The following PTPRT variants were observed in gnomAD, a reference collection of about 807,000 sequenced individuals.
The protein encoded by PTPRT is receptor-type tyrosine-protein phosphatase T.
In PTPRT, 56 loss-of-function variants were observed where a neutral mutation model predicts 176.8. That is an observed-to-expected ratio of 0.32 (90% CI 0.26 to 0.40). The LOEUF is 0.40. Ranked by LOEUF, PTPRT falls within the 10% of genes least tolerant of loss-of-function variation. The pLI is 1.00. For missense variants in PTPRT, 1,540 were observed against 1,908.2 expected (o/e 0.81, Z 3.60); for synonymous variants, 783 against 739.0 (o/e 1.06, Z -0.96).
rs563173989 is a variant in PTPRT at position 43,086,795 on chromosome 20, G to A, written c.88+102851C>T. ...GCTTACTAATCCTACTGTTATAACC[G>A]GGGGCTGGGAGGGAAGAATTGCTCT... On this transcript the variant is annotated intron_variant, in intron 1 of 30. Coordinates refer to ENST00000373187, the MANE Select transcript of PTPRT (RefSeq NM_007050.6). Among the ~76,000 whole-genome samples the A allele has an allele frequency of 3.9e-5, 6 of 152,288 alleles. No individual in the cohort carries two copies. The South Asian group carries it at 6.2e-4, about 16-fold the overall frequency.
At chr20:42,761,787 T>C (rs1209090578) in intron 5 of PTPRT, among the ~76,000 whole-genome samples, 1 of 152,202 alleles carries the variant, frequency 6.6e-6, no homozygotes, top group African/African-American at 2.4e-5. Flanking sequence ...TGCTGGTCCA[T>C]GAACCTTACT....
At chr20:42,943,991 C>G (rs749716488) in intron 1 of PTPRT, among the ~76,000 whole-genome samples, 1 of 152,062 alleles carries the variant, frequency 6.6e-6, no homozygotes, top group Admixed American at 6.6e-5. Flanking sequence ...TGCACTCCAA[C>G]CTGGGTGACA....
chr20:42,668,858 A>ATT (rs755121515), intron 7 of PTPRT, among the ~76,000 whole-genome samples: 2,406 of 81,298 alleles, frequency 0.03, 58 homozygotes, highest in East Asian at 0.04. Context: ...CGCCCAGCTA[A>ATT]TTTTTTTTTT....
chr20:42,174,939 T>C (rs902879323), intron 16 of PTPRT, among the ~76,000 whole-genome samples: 28 of 152,172 alleles, frequency 1.8e-4, no homozygotes, highest in African/African-American at 6.5e-4. Flanking sequence ...GAGGTTATAA[T>C]TGTTAGAAGT....
chr20:42,151,717 C>T lies in PTPRT; in HGVS notation c.2682+9635G>A, dbSNP rs528796802. Among the ~76,000 whole-genome samples the T allele has an allele frequency of 5.9e-5, 9 of 152,260 alleles. No homozygotes were observed. The South Asian group carries it at 1.4e-3, about 25-fold the overall frequency. ...TTCTCGTTCTAGATCCTTGAGGAATCGCCACACTGTCTTTCACAATGGTAG... is the reference window on the plus strand; with the variant it reads ...TTCTCGTTCTAGATCCTTGAGGAATTGCCACACTGTCTTTCACAATGGTAG... On this transcript the variant is annotated intron_variant, in intron 17 of 30. Transcript: ENST00000373187.
chr20:42,638,275 T>C (rs1365636953), intron 7 of PTPRT, among the ~76,000 whole-genome samples: 1 of 152,128 alleles, frequency 6.6e-6, no homozygotes, highest in Admixed American at 6.5e-5. Context: ...CAGATTGGGA[T>C]AGACTGGGAA....
At chr20:42,366,765 G>A (rs2058519985) in intron 9 of PTPRT, among the ~76,000 whole-genome samples, 1 of 107,786 alleles carries the variant, frequency 9.3e-6, no homozygotes, top group African/African-American at 3.1e-5. Context: ...TGGCTACACG[G>A]CACATGTGAG....
At chr20:42,377,788 T>C (rs190564722) in intron 9 of PTPRT, among the ~76,000 whole-genome samples, 1 of 152,214 alleles carries the variant, frequency 6.6e-6, no homozygotes, top group Non-Finnish European at 1.5e-5. Context: ...AAGACATGGC[T>C]TTGGAGGACA....
intron 1 of PTPRT, among the ~76,000 whole-genome samples, chr20:43,149,709 A>G (rs2014284712): frequency 6.6e-6 from 1 of 152,248 alleles, no homozygotes; most frequent in South Asian, 2.1e-4. Context: ...CTTAGCAACC[A>G]TGCATGTCAC....
intron 16 of PTPRT, among the ~76,000 whole-genome samples, chr20:42,175,882 C>T (rs1012922551): frequency 1.3e-5 from 2 of 152,130 alleles, no homozygotes; most frequent in Admixed American, 6.6e-5. Flanking sequence ...TGACTGGTCA[C>T]TAAAAGTATT....
At chr20:42,941,270 A>G (rs113419404) in intron 1 of PTPRT, among the ~76,000 whole-genome samples, 44 of 152,244 alleles carry the variant, frequency 2.9e-4, no homozygotes, top group African/African-American at 1.0e-3. Context: ...TTTCCTCATC[A>G]ATGAAATAAG....
intron 1 of PTPRT, among the ~76,000 whole-genome samples, chr20:43,042,276 G>A (rs1406365333): frequency 6.6e-6 from 1 of 152,148 alleles, no homozygotes; most frequent in African/African-American, 2.4e-5. Flanking sequence ...TGTAAATTCA[G>A]AATGCAGAGG....
chr20:42,032,960 GTAGA>G, the PTPRT span, among the ~76,000 whole-genome samples: 2 of 152,310 alleles, frequency 1.3e-5, no homozygotes, highest in African/African-American at 4.8e-5. Flanking sequence ...TGAGAAGAGG[GTAGA>G]TCTCACTGAC....
At chr20:43,111,375 T>TA (rs922437930) in intron 1 of PTPRT, among the ~76,000 whole-genome samples, 2,351 of 144,480 alleles carry the variant, frequency 0.016, 29 homozygotes, top group African/African-American at 0.034. Context: ...CCGTCTCTGC[T>TA]AAAAAAAAAA....
At chr20:43,169,831 G>C (rs184588291) in intron 1 of PTPRT, among the ~76,000 whole-genome samples, 1 of 152,180 alleles carries the variant, frequency 6.6e-6, no homozygotes, top group African/African-American at 2.4e-5. Flanking sequence ...ATAAAAACTT[G>C]CTAGAATTGT....
chr20:43,189,585 G>GCACACGC lies in PTPRT; in HGVS notation c.88+60_88+61insGCGTGTG. The stretch of plus-strand genomic sequence containing the variant: ...TTCTCCTCCGAGGGCCCCGCGGCTG[G>GCACACGC]GGGCCCGCGCGCATCCAGGAGGGAG... On this transcript the variant is annotated intron_variant, in intron 1 of 30. Transcript: ENST00000373187. The surrounding 1 kb of genome is among the most constrained non-coding windows in gnomAD (Gnocchi z 5.0). 1 of 1,116,866 alleles carries GCACACGC rather than the reference G, an allele frequency of 9.0e-7. No individual in the cohort carries two copies. The highest frequency in any genetic ancestry group is 1.1e-6 in the Non-Finnish European group (1 of 890,882). 69.2% of individuals were successfully genotyped at this position (1,116,866 alleles called of 1,614,324 possible).
chr20:42,354,933 T>A (rs2058337122), intron 9 of PTPRT, among the ~76,000 whole-genome samples: 2 of 151,884 alleles, frequency 1.3e-5, no homozygotes, highest in South Asian at 4.2e-4. Context: ...GGCTTTGGGC[T>A]TTTTTTCAAG....
intron 1 of PTPRT, among the ~76,000 whole-genome samples, chr20:43,050,238 G>C (rs1986991557): frequency 6.6e-6 from 1 of 152,324 alleles, no homozygotes; most frequent in East Asian, 1.9e-4. Context: ...CAAGAGCATG[G>C]GCACTGCCTG....
At chr20:42,441,965 C>G (rs931806635) in intron 9 of PTPRT, among the ~76,000 whole-genome samples, 1 of 152,186 alleles carries the variant, frequency 6.6e-6, no homozygotes, top group African/African-American at 2.4e-5. Context: ...TTCCTCCTGC[C>G]TAGACTACCT....
Sources: gnomAD v4.1 joint callset for allele counts (sites outside exome capture counted in the v4.1 genomes callset) on GRCh38, gnomAD v4.1.1 for gene constraint, Gnocchi (gnomAD v3.1) non-coding constraint, MANE v1.5 for transcripts, NCBI Gene and HGNC (gene_info 2026-07-23, HGNC 2026-07-21) for gene names.